Variants in PKD1L1 observed in about 807,000 individuals in gnomAD.
The protein encoded by PKD1L1 is polycystin-1-like protein 1.
Under a neutral mutation model 323.4 loss-of-function variants are expected in PKD1L1, and 236 were observed. The ratio of observed to expected loss-of-function variants is 0.73; its 90% CI spans 0.66 to 0.81. The LOEUF is 0.81. Ranked by LOEUF, PKD1L1 falls within the 40% of genes least tolerant of loss-of-function variation. The pLI, the probability that PKD1L1 is intolerant of heterozygous loss-of-function variation, is 0.00. For missense variants in PKD1L1, 3,320 were observed against 3,508.0 expected (o/e 0.95, Z 1.35); for synonymous variants, 1,344 against 1,335.0 (o/e 1.01, Z -0.15).
At chr7:47,882,213 T>A in intron 19 of PKD1L1, 128 bp from the exon 20 acceptor site, 1 of 998,684 alleles carries the variant, frequency 1.0e-6, no homozygotes, top group Non-Finnish European at 1.5e-6. Context: ...TCTAATATAA[T>A]GTCTTCAGCA....
chr7:47,901,008 T>A (rs1787074264), intron 13 of PKD1L1, among the ~76,000 whole-genome samples: 1 of 152,148 alleles, frequency 6.6e-6, no homozygotes, highest in Admixed American at 6.5e-5. Flanking sequence ...TTGAGATGAT[T>A]TCATTTTTTT....
intron 20 of PKD1L1, 84 bp downstream of exon 20, chr7:47,881,825 G>A (rs1786559879): frequency 5.8e-6 from 8 of 1,378,362 alleles, no homozygotes; most frequent in South Asian, 1.5e-5. Context: ...CTAGTAAAAC[G>A]AAAAGTTCAG....
At position 47,815,239 on chromosome 7, in the gene PKD1L1, A is replaced by G; in HGVS notation, c.7089+95T>C. 4.7e-6 allele frequency: 7 copies of G among 1,485,142 alleles called. No individual in the cohort carries two copies. The South Asian group carries it at 9.1e-5, about 19-fold the overall frequency. The allele number at this position is 1,485,142 out of a possible 1,614,324, so 92.0% of individuals were successfully genotyped here. ...CACCTGCATGGTCATTCAAGAACCTATGCAGTGCTGCAGTTCAGCATTAGT... is the reference window on the plus strand; with the variant it reads ...CACCTGCATGGTCATTCAAGAACCTGTGCAGTGCTGCAGTTCAGCATTAGT... On this transcript the variant is annotated intron_variant, in intron 47 of 56. Transcript: ENST00000289672.
intron 24 of PKD1L1, among the ~76,000 whole-genome samples, chr7:47,871,523 T>C (rs957958282): frequency 2.0e-5 from 3 of 152,180 alleles, no homozygotes; most frequent in Admixed American, 6.5e-5. Flanking sequence ...ACTAATTTCA[T>C]TTATGAGAGC....
intron 24 of PKD1L1, among the ~76,000 whole-genome samples, chr7:47,868,290 A>G (rs1466746637): frequency 2.0e-5 from 3 of 152,044 alleles, no homozygotes; most frequent in Admixed American, 6.5e-5. Context: ...AATTGCTTGG[A>G]TCCAGGGGGC....
chr7:47,796,752 C>T (rs1481869853), intron 54 of PKD1L1, among the ~76,000 whole-genome samples: 10 of 151,336 alleles, frequency 6.6e-5, no homozygotes, highest in Non-Finnish European at 8.8e-5. Context: ...CTTTGGGAGG[C>T]CAAGGCAGGC....
At chr7:47,818,501 G>T (rs1404404064) in intron 46 of PKD1L1, among the ~76,000 whole-genome samples, 1 of 152,186 alleles carries the variant, frequency 6.6e-6, no homozygotes, top group Non-Finnish European at 1.5e-5. Context: ...CTTGACACTT[G>T]CTTCCCTATT....
At chr7:47,873,572 G>A (rs1302610321) in intron 24 of PKD1L1, among the ~76,000 whole-genome samples, 2 of 150,612 alleles carry the variant, frequency 1.3e-5, no homozygotes, top group African/African-American at 2.5e-5. Flanking sequence ...ACTTGAACCC[G>A]GGAGGTGGAG....
intron 14 of PKD1L1, among the ~76,000 whole-genome samples, chr7:47,896,183 G>T (rs926669071): frequency 5.3e-5 from 8 of 152,024 alleles, no homozygotes; most frequent in African/African-American, 1.9e-4. Flanking sequence ...CAAAAAATTA[G>T]CCAGGCATGG....
Position 47,839,485 on chromosome 7 carries a change from C to T in PKD1L1, c.5730G>A (p.Arg1910=), listed in dbSNP as rs749121544. The T allele has an allele frequency of 2.5e-6, 4 of 1,612,416 alleles. No individual in the cohort carries two copies. In the Admixed American group the frequency reaches 6.7e-5, roughly 27 times the overall value. Residue 1910 remains arginine (R), a synonymous_variant, in exon 36 of 57, where the codon CGG becomes CGA. Transcript: ENST00000289672. This position sits in a 1 kb window ranked among gnomAD's most constrained non-coding sequence, Gnocchi z 4.3. ...GTCCCCCTTGCAGACAGGTGAGCTC[C>T]CGCTCCACGCGACCATCATGCCTGC... ...SAGRHDGRVE[R]ELTCLQGGLG...
At chr7:47,782,924 C>T (rs993716912) in intron 56 of PKD1L1, among the ~76,000 whole-genome samples, 1 of 152,090 alleles carries the variant, frequency 6.6e-6, no homozygotes, top group Non-Finnish European at 1.5e-5. Context: ...ACTCCCAAAC[C>T]GCTGGGGAAA....
At position 47,843,164 on chromosome 7, in the gene PKD1L1, G is replaced by T. The variant is rs1359356124; in HGVS notation, c.5243C>A (p.Pro1748Gln). The change falls in exon 34 of 57, where the codon CCA (proline) becomes CAA (glutamine). Residue 1748 changes from proline (P) to glutamine (Q), a missense_variant. Transcript: ENST00000289672. ...VSDISKLQSH[P>Q]ENLLPSIFIM... ...AAAAATACTGGGAAGCAAGTTTTCT[G>T]GGTGGCTATAAACAAAAGGAGAGAT... 1 of 1,609,388 alleles carries T rather than the reference G, an allele frequency of 6.2e-7. No homozygotes were observed.
chr7:47,890,165 T>C (rs1786778949), intron 16 of PKD1L1, among the ~76,000 whole-genome samples: 1 of 152,194 alleles, frequency 6.6e-6, no homozygotes, highest in African/African-American at 2.4e-5. Flanking sequence ...GCCTGGGCAA[T>C]GGCCCTGAAA....
At chr7:47,923,814 G>C (rs917562609) in intron 7 of PKD1L1, among the ~76,000 whole-genome samples, 1 of 152,068 alleles carries the variant, frequency 6.6e-6, no homozygotes, top group African/African-American at 2.4e-5. Flanking sequence ...TTCACCCCTA[G>C]GAATTCAAGA....
In PKD1L1 at chr7:47,879,959, A is replaced by AATTG. The variant is rs1554406403; in HGVS notation, c.3520+768_3520+769insCAAT. Among the ~76,000 whole-genome samples the AATTG allele has an allele frequency of 1.6e-3, 233 of 149,276 alleles. 1 individual carries two copies. Among genetic ancestry groups the AATTG allele is most frequent in the African/African-American group, 4.9e-3 (198 of 40,094 alleles). Reference sequence around the variant, plus strand: ...AAAAAAATAAAAAATAAAAAAAAAAATTAAGCCCACTGTGCTTGTCATATG... The same window carrying AATTG: ...AAAAAAATAAAAAATAAAAAAAAAAAATTGTTAAGCCCACTGTGCTTGTCATATG... On this transcript the variant is annotated intron_variant, in intron 21 of 56. Transcript: ENST00000289672.
intron 15 of PKD1L1, among the ~76,000 whole-genome samples, chr7:47,891,850 G>A (rs1241750419): frequency 1.3e-5 from 2 of 152,226 alleles, no homozygotes; most frequent in Non-Finnish European, 2.9e-5. Flanking sequence ...TAGGTTGGGT[G>A]CAGGGAAGTC....
intron 4 of PKD1L1, among the ~76,000 whole-genome samples, chr7:47,932,621 TC>T (rs1456942710): frequency 6.6e-6 from 1 of 151,918 alleles, no homozygotes; most frequent in Non-Finnish European, 1.5e-5. Flanking sequence ...TATCACCACC[TC>T]ACCCTGCTGA....
chr7:47,886,032 C>T lies in PKD1L1; in HGVS notation c.2859G>A (p.Gly953=), dbSNP rs1786677102. The change falls in exon 18 of 57, where the codon GGG becomes GGA. Residue 953 remains glycine (G), a synonymous_variant. Coordinates refer to ENST00000289672, the MANE Select transcript of PKD1L1 (RefSeq NM_138295.5). ...CACCGAGTCCCAGCGAGCCAAGCAG[C>T]CCCACTACTCTGCAGAAGGGAACTT... ...RIEVPFCRVV[G]LLGSLGLGAI... is the part of the protein sequence containing the mutation. 1 of 1,613,248 alleles carries T rather than the reference C, an allele frequency of 6.2e-7. No individual in the cohort carries two copies. Among genetic ancestry groups the T allele is most frequent in the Admixed American group, 1.7e-5 (1 of 59,970 alleles).
chr7:47,831,340 C>T lies in PKD1L1; in HGVS notation c.6350G>A (p.Gly2117Asp). 6.2e-7 allele frequency: 1 copy of T among 1,613,494 alleles called. No homozygotes were observed. Among genetic ancestry groups the T allele is most frequent in the Admixed American group, 1.7e-5 (1 of 59,860 alleles). The change falls in exon 42 of 57, where the codon GGT (glycine) becomes GAT (aspartate). Residue 2117 changes from glycine (G) to aspartate (D), a missense_variant. By Grantham distance (94) the Gly-to-Asp change is moderately conservative (BLOSUM62 -1). Coordinates refer to ENST00000289672, the MANE Select transcript of PKD1L1 (RefSeq NM_138295.5). ...CPPHTQAPSSGLEGLMPQWSR... is the reference protein window; with the variant it reads ...CPPHTQAPSSDLEGLMPQWSR... ...CCACTGGGGCATTAGTCCCTCCAAA[C>T]CACTGCTGGGTGCTGCGGAAGAGTA...
Sources: gnomAD v4.1 joint callset for allele counts (sites outside exome capture counted in the v4.1 genomes callset) on GRCh38, gnomAD v4.1.1 for gene constraint, Gnocchi (gnomAD v3.1) non-coding constraint, MANE v1.5 for transcripts, NCBI Gene and HGNC (gene_info 2026-07-23, HGNC 2026-07-21) for gene names.